FBXO28: variants seen among roughly 807,000 people sequenced by gnomAD.
FBXO28 encodes the protein F-box only protein 28.
Under a neutral mutation model 38.1 loss-of-function variants are expected in FBXO28, and 8 were observed. That is an observed-to-expected ratio of 0.21 (90% CI 0.12 to 0.38). The LOEUF is 0.38. FBXO28 is among the 10% of genes least tolerant of loss of function. The pLI, the probability that FBXO28 is intolerant of heterozygous loss-of-function variation, is 1.00. For synonymous variants in FBXO28, 168 were observed against 173.8 expected, an observed-to-expected ratio of 0.97 and a Z score of 0.26; for missense variants, 345 against 460.6, an observed-to-expected ratio of 0.75 and a Z score of 2.30.
At chr1:224,153,427 G>A (rs375793857) in intron 4 of FBXO28, 90 bp downstream of exon 4, 19 of 885,286 alleles carry the variant, frequency 2.1e-5, no homozygotes, top group Middle Eastern at 5.0e-4. Context: ...ACTTTTCTGT[G>A]TTAGTAGTTG....
At chr1:224,123,514 A>T (rs1293975807) in intron 1 of FBXO28, among the ~76,000 whole-genome samples, 1 of 151,296 alleles carries the variant, frequency 6.6e-6, no homozygotes, top group Non-Finnish European at 1.5e-5. Flanking sequence ...TAAGGGTCTC[A>T]TATTTAACAT....
chr1:224,156,243 T>TTG (rs1657769689), intron 4 of FBXO28, among the ~76,000 whole-genome samples: 1 of 152,234 alleles, frequency 6.6e-6, no homozygotes, highest in South Asian at 2.1e-4. Context: ...ATTTTTATGC[T>TTG]TGTGTTACAT....
In FBXO28 at chr1:224,158,130, G is replaced by A. The variant is rs1224465126; in HGVS notation, c.*384G>A. Reference sequence around the variant, plus strand: ...AATACAGAAAATGTCCTGTTCACTTGAAAGAAAAGACCTACTTTTTAAATG... The same window carrying A: ...AATACAGAAAATGTCCTGTTCACTTAAAAGAAAAGACCTACTTTTTAAATG... On this transcript the variant is annotated 3_prime_UTR_variant, in exon 5 of 5. Transcript: ENST00000366862. 1 of 992,970 alleles carries A rather than the reference G, an allele frequency of 1.0e-6. No individual in the cohort carries two copies. Among genetic ancestry groups the A allele is most frequent in the East Asian group, 1.1e-4 (1 of 9,144 alleles). The allele number at this position is 992,970 out of a possible 1,614,324, so 61.5% of individuals were successfully genotyped here. A position where few individuals can be genotyped will look rare whatever the true frequency, so the allele number is the denominator to read the frequency against.
chr1:224,129,996 A>G (rs1488768242), intron 1 of FBXO28, among the ~76,000 whole-genome samples: 2 of 151,300 alleles, frequency 1.3e-5, no homozygotes, highest in Admixed American at 6.6e-5. Context: ...TCTCAAAAAA[A>G]AAAAAGAAAT....
intron 1 of FBXO28, among the ~76,000 whole-genome samples, chr1:224,126,336 T>G (rs1287724520): frequency 6.6e-6 from 1 of 152,226 alleles, no homozygotes; most frequent in Admixed American, 6.5e-5. Context: ...CCTTGAAAAT[T>G]GTTACAGCAG....
At chr1:224,122,627 A>G (rs1206561835) in intron 1 of FBXO28, among the ~76,000 whole-genome samples, 2 of 151,958 alleles carry the variant, frequency 1.3e-5, no homozygotes, top group Admixed American at 1.3e-4. Context: ...AGCCCCGCCA[A>G]CACACACAAT....
intron 1 of FBXO28, among the ~76,000 whole-genome samples, chr1:224,123,749 G>C (rs1399826116): frequency 6.6e-6 from 1 of 152,110 alleles, no homozygotes; most frequent in Non-Finnish European, 1.5e-5. Context: ...ACTGTCAAAT[G>C]TTTAAAAATG....
intron 3 of FBXO28, among the ~76,000 whole-genome samples, chr1:224,151,672 A>G (rs1657650432): frequency 6.6e-6 from 1 of 152,132 alleles, no homozygotes; most frequent in Non-Finnish European, 1.5e-5. Context: ...TTGGTGACAG[A>G]ATGGTTTGGT....
chr1:224,118,264 AT>A (rs995843623), intron 1 of FBXO28, among the ~76,000 whole-genome samples: 3 of 150,146 alleles, frequency 2.0e-5, no homozygotes, highest in Non-Finnish European at 3.0e-5. Context: ...AGGGTAAAAA[AT>A]TTTTTTTCTA....
In FBXO28 at chr1:224,158,282, A is replaced by G; in HGVS notation, c.*536A>G. The G allele has an allele frequency of 2.2e-6, 2 of 922,570 alleles. No homozygotes were observed. Among genetic ancestry groups the G allele is most frequent in the Middle Eastern group, 5.5e-4 (1 of 1,820 alleles). The allele number at this position is 922,570 out of a possible 1,614,324, so 57.1% of individuals were successfully genotyped here. A position where few individuals can be genotyped will look rare whatever the true frequency, so the allele number is the denominator to read the frequency against. On this transcript the variant is annotated 3_prime_UTR_variant, in exon 5 of 5. Transcript: ENST00000366862. The stretch of plus-strand genomic sequence containing the variant: ...ATGGGTAACTAAAATGGACTTCCAT[A>G]GTATTGACTGTAGAAGGAGCCTCTA...
Position 224,114,282 on chromosome 1 carries a change from C to A in FBXO28, c.153C>A (p.Pro51=). ...PQPGSQALPA[P]ALAPDQLPQN... is the part of the protein sequence containing the mutation. Reference sequence around the variant, plus strand: ...CGGGGTCCCAGGCGCTCCCAGCCCCCGCGCTGGCTCCGGACCAGCTGCCTC... The same window carrying A: ...CGGGGTCCCAGGCGCTCCCAGCCCCAGCGCTGGCTCCGGACCAGCTGCCTC... Residue 51 remains proline (P), a synonymous_variant, in exon 1 of 5, where the codon CCC becomes CCA. Coordinates refer to ENST00000366862, the MANE Select transcript of FBXO28 (RefSeq NM_015176.4). The A allele has an allele frequency of 1.3e-6, 2 of 1,557,608 alleles. No individual in the cohort carries two copies. The highest frequency in any genetic ancestry group is 4.8e-5 in the East Asian group (2 of 41,784).
At chr1:224,133,437 A>G (rs540243169) in intron 2 of FBXO28, among the ~76,000 whole-genome samples, 6 of 152,284 alleles carry the variant, frequency 3.9e-5, no homozygotes, top group South Asian at 2.1e-4. Context: ...TCTCCTGCCT[A>G]TATTTCCATG....
chr1:224,153,198 A>G lies in FBXO28; in HGVS notation c.573A>G (p.Gln191=). The change falls in exon 4 of 5, where the codon CAA becomes CAG. Residue 191 remains glutamine, a synonymous_variant. Coordinates refer to ENST00000366862, the MANE Select transcript of FBXO28 (RefSeq NM_015176.4). The part of the protein sequence containing the change: ...LRYVNSTRAP[Q]RAHEVLQELR... ...ATGTCAATTCTACCAGAGCCCCTCA[A>G]CGAGCTCATGAAGTACTTCAAGAAT... 3.1e-6 allele frequency: 5 copies of G among 1,610,462 alleles called. No homozygotes were observed. The highest frequency in any genetic ancestry group is 2.2e-5 in the South Asian group (2 of 89,542).
At chr1:224,154,464 A>C (rs541048894) in intron 4 of FBXO28, among the ~76,000 whole-genome samples, 1 of 152,024 alleles carries the variant, frequency 6.6e-6, no homozygotes, top group African/African-American at 2.4e-5. Context: ...TGAGGTCAGG[A>C]GTTCAAGACC....
chr1:224,114,752 A>C (rs1656607007), intron 1 of FBXO28, among the ~76,000 whole-genome samples: 1 of 150,468 alleles, frequency 6.6e-6, no homozygotes, highest in African/African-American at 2.4e-5. Context: ...TGCCTTTTGT[A>C]TGCCGCTTCC....
intron 4 of FBXO28, among the ~76,000 whole-genome samples, chr1:224,153,553 A>G (rs72753980): frequency 0.041 from 6,173 of 152,298 alleles, 152 homozygotes; most frequent in African/African-American, 0.058. Context: ...ACTCTGAAGA[A>G]CAATCTGAGC....
chr1:224,130,090 C>A (rs907525699), intron 1 of FBXO28, among the ~76,000 whole-genome samples: 2 of 152,140 alleles, frequency 1.3e-5, no homozygotes, highest in African/African-American at 4.8e-5. Flanking sequence ...TCCTGTAATC[C>A]CAATATTCTG....
intron 1 of FBXO28, among the ~76,000 whole-genome samples, chr1:224,123,180 G>T (rs1305472334): frequency 4.6e-5 from 7 of 152,080 alleles, no homozygotes; most frequent in Non-Finnish European, 8.8e-5. Context: ...ACTGTAGAGT[G>T]CCAAACTAAT....
intron 3 of FBXO28, among the ~76,000 whole-genome samples, chr1:224,136,867 T>C (rs1657201706): frequency 6.6e-6 from 1 of 150,654 alleles, no homozygotes; most frequent in Non-Finnish European, 1.5e-5. Context: ...TTCTCATGCC[T>C]CAGCCTCCCA....
Sources: gnomAD v4.1 joint callset for allele counts (sites outside exome capture counted in the v4.1 genomes callset) on GRCh38, gnomAD v4.1.1 for gene constraint, MANE v1.5 for transcripts, NCBI Gene and HGNC (gene_info 2026-07-23, HGNC 2026-07-21) for gene names.